KCNK9: variants seen among roughly 807,000 people sequenced by gnomAD.
KCNK9 encodes potassium two pore domain channel subfamily K member 9.
KCNK9 carries 1 observed loss-of-function variant against 10.8 expected under a neutral mutation model. The observed-to-expected ratio is 0.09, with a 90% confidence interval of 0.03 to 0.44. The LOEUF (loss-of-function observed/expected upper bound fraction) is 0.44, where lower values mean the gene tolerates loss of function less well. Ranked by LOEUF, KCNK9 falls within the 20% of genes least tolerant of loss-of-function variation. The pLI, the probability that KCNK9 is intolerant of heterozygous loss-of-function variation, is 0.97. For synonymous variants in KCNK9, 231 were observed against 222.7 expected (o/e 1.04, Z -0.33); for missense variants, 303 against 515.0 (o/e 0.59, Z 3.98).
chr8:139,660,449 AATATAT>A (rs35118138), intron 1 of KCNK9, among the ~76,000 whole-genome samples: 1,525 of 131,178 alleles, frequency 0.012, 63 homozygotes, highest in Admixed American at 0.082. Context: ...GCTAAAAAAA[AATATAT>A]ATATATATAT....
intron 1 of KCNK9, among the ~76,000 whole-genome samples, chr8:139,648,308 G>A (rs761483884): frequency 6.6e-6 from 1 of 152,166 alleles, no homozygotes; most frequent in Non-Finnish European, 1.5e-5. Flanking sequence ...GTATTACTTT[G>A]GAGCCGAAAA....
intron 1 of KCNK9, among the ~76,000 whole-genome samples, chr8:139,667,721 T>C (rs1339432207): frequency 6.6e-6 from 1 of 151,794 alleles, no homozygotes; most frequent in African/African-American, 2.4e-5. Flanking sequence ...CCTCACAACA[T>C]TCCTTATAAC....
Position 139,687,359 on chromosome 8 carries a change from CATATATATGTGTATACATATATATGA to C in KCNK9, c.283+15325_283+15350del, listed in dbSNP as rs1428455896. ...TTTCATACATATATATATATGTATA[CATATATATGTGTATACATATATATGA>C]ATATATATGTGTATACATATATATT... On this transcript the variant is annotated intron_variant, in intron 1 of 1. Coordinates refer to ENST00000520439, the MANE Select transcript of KCNK9 (RefSeq NM_001282534.2). Among the ~76,000 whole-genome samples, 10 of 144,112 alleles carry C rather than the reference CATATATATGTGTATACATATATATGA, an allele frequency of 6.9e-5. 2 individuals carry two copies. Among genetic ancestry groups the C allele is most frequent in the East Asian group, 6.1e-4 (3 of 4,954 alleles). 94.5% of individuals were successfully genotyped at this position (144,112 alleles called of 152,430 possible). A position where few individuals can be genotyped will look rare whatever the true frequency, so the allele number is the denominator to read the frequency against.
chr8:139,652,833 C>G (rs151026437), intron 1 of KCNK9, among the ~76,000 whole-genome samples: 2,785 of 152,302 alleles, frequency 0.018, 48 homozygotes, highest in Non-Finnish European at 0.028. Flanking sequence ...GGCCTAGATT[C>G]TGGGGTCCCC....
intron 1 of KCNK9, among the ~76,000 whole-genome samples, chr8:139,652,686 A>G (rs936230919): frequency 5.9e-5 from 9 of 152,198 alleles, no homozygotes; most frequent in African/African-American, 1.9e-4. Context: ...AAGGCCTTTC[A>G]GGAGAAAAAG....
At chr8:139,621,255 C>T (rs1006026230) in intron 1 of KCNK9, among the ~76,000 whole-genome samples, 2 of 149,298 alleles carry the variant, frequency 1.3e-5, no homozygotes, top group Non-Finnish European at 3.0e-5. Context: ...TGTGCCACTG[C>T]ACTCCAACCT....
chr8:139,658,198 C>T (rs547992324), intron 1 of KCNK9, among the ~76,000 whole-genome samples: 1 of 152,162 alleles, frequency 6.6e-6, no homozygotes, highest in African/African-American at 2.4e-5. Flanking sequence ...ACACAAGGGG[C>T]TAGCAGGGGG....
At chr8:139,609,664 G>C (rs1242639105), downstream of KCNK9, among the ~76,000 whole-genome samples, 1 of 152,234 alleles carries the variant, frequency 6.6e-6, no homozygotes, top group Non-Finnish European at 1.5e-5. Context: ...ATGTGGTGAG[G>C]ACGGGAGGTG....
chr8:139,695,542 G>T (rs1460512863), intron 1 of KCNK9, among the ~76,000 whole-genome samples: 1 of 152,192 alleles, frequency 6.6e-6, no homozygotes, highest in Non-Finnish European at 1.5e-5. Context: ...CTTTCTACAG[G>T]TGGAGGTCCC....
intron 1 of KCNK9, among the ~76,000 whole-genome samples, chr8:139,697,347 TTGGATGGATGGA>T (rs75812728): frequency 0.61 from 87,521 of 143,590 alleles, 26,662 homozygotes; most frequent in African/African-American, 0.65. Flanking sequence ...GAGTGGATGG[TTGGATGGATGGA>T]TGGATGGATG....
intron 1 of KCNK9, among the ~76,000 whole-genome samples, chr8:139,656,312 G>A (rs1000534611): frequency 6.6e-6 from 1 of 152,156 alleles, no homozygotes; most frequent in Non-Finnish European, 1.5e-5. Flanking sequence ...GGCTCAGCCT[G>A]GGCCACTAAC....
chr8:139,666,749 G>T (rs1478592447), intron 1 of KCNK9, among the ~76,000 whole-genome samples: 5 of 152,266 alleles, frequency 3.3e-5, no homozygotes, highest in Non-Finnish European at 7.3e-5. Context: ...GTATCCGCTA[G>T]TTGGCACATC....
At chr8:139,677,588 G>T (rs992770205) in intron 1 of KCNK9, among the ~76,000 whole-genome samples, 1 of 99,916 alleles carries the variant, frequency 1.0e-5, no homozygotes, top group African/African-American at 3.6e-5. Context: ...AAATAAAGGA[G>T]GTGTTCCCTG....
At chr8:139,672,455 T>G (rs1467134919) in intron 1 of KCNK9, among the ~76,000 whole-genome samples, 1 of 152,194 alleles carries the variant, frequency 6.6e-6, no homozygotes, top group Admixed American at 6.5e-5. Context: ...GCTCAACCCT[T>G]CTGGTCAGTC....
chr8:139,659,488 G>C (rs1816098968), intron 1 of KCNK9, among the ~76,000 whole-genome samples: 1 of 152,084 alleles, frequency 6.6e-6, no homozygotes, highest in Admixed American at 6.6e-5. Flanking sequence ...CCCTGTATTG[G>C]TGTGGAAAGA....
At chr8:139,633,944 T>G (rs1035895077) in intron 1 of KCNK9, among the ~76,000 whole-genome samples, 1 of 152,246 alleles carries the variant, frequency 6.6e-6, no homozygotes, top group African/African-American at 2.4e-5. Context: ...CTGTAACTAT[T>G]CGCATCGAGC....
At chr8:139,625,497 T>C (rs1329307613) in intron 1 of KCNK9, among the ~76,000 whole-genome samples, 4 of 152,232 alleles carry the variant, frequency 2.6e-5, no homozygotes, top group African/African-American at 9.6e-5. Flanking sequence ...TGGTATCTCC[T>C]TGCTGTGCAA....
At chr8:139,666,641 G>A (rs1019927139) in intron 1 of KCNK9, among the ~76,000 whole-genome samples, 5 of 152,238 alleles carry the variant, frequency 3.3e-5, no homozygotes, top group East Asian at 1.9e-4. Flanking sequence ...CCCAGGCTGC[G>A]GAGCCCAGCA....
intron 1 of KCNK9, among the ~76,000 whole-genome samples, chr8:139,624,838 C>T (rs1247733113): frequency 6.6e-6 from 1 of 152,234 alleles, no homozygotes; most frequent in African/African-American, 2.4e-5. Flanking sequence ...TGACGGGGTT[C>T]CTGCCCTACA....
Sources: allele counts gnomAD v4.1 joint callset (sites outside exome capture counted in the v4.1 genomes callset), GRCh38; gene constraint gnomAD v4.1.1; transcripts MANE v1.5; gene names NCBI Gene and HGNC (gene_info 2026-07-23, HGNC 2026-07-21).